The following AGAP3 variants were observed in gnomAD, a reference collection of about 807,000 sequenced individuals.
AGAP3 encodes ArfGAP with GTPase domain, ankyrin repeat and PH domain 3.
In AGAP3, 24 loss-of-function variants were observed where a neutral mutation model predicts 96.9. The observed-to-expected ratio is 0.25, with a 90% CI of 0.18 to 0.35. The LOEUF (loss-of-function observed/expected upper bound fraction) is 0.35, where lower values mean the gene tolerates loss of function less well. Ranked by LOEUF, AGAP3 falls within the 10% of genes least tolerant of loss-of-function variation. The probability of loss-of-function intolerance (pLI) is 1.00; values close to 1 mark genes in which losing one functional copy is unlikely to be tolerated. For missense variants in AGAP3, 876 were observed against 1,254.2 expected, an observed-to-expected ratio of 0.70 and a Z score of 4.55; for synonymous variants, 563 against 536.1, an observed-to-expected ratio of 1.05 and a Z score of -0.69.
At chr7:151,124,578 G>T (rs1292351232) in intron 9 of AGAP3, among the ~76,000 whole-genome samples, 4 of 152,178 alleles carry the variant, frequency 2.6e-5, no homozygotes, top group Non-Finnish European at 5.9e-5. Context: ...GAATTTTTTG[G>T]GATCTGGTGG....
In AGAP3 at chr7:151,096,852, CACTGCA is replaced by C. The variant is rs1333353754; in HGVS notation, c.331+9783_331+9788del. On this transcript the variant is annotated intron_variant, in intron 1 of 17. Transcript: ENST00000397238. The surrounding 1 kb of genome is among the most constrained non-coding windows in gnomAD (Gnocchi z 4.4). ...GGAGTGTAGTGGTATGATCTCAGCTCACTGCAACCTCTGCCTCCCGAGTTCAAGCAA... is the reference window on the plus strand; with the variant it reads ...GGAGTGTAGTGGTATGATCTCAGCTCACCTCTGCCTCCCGAGTTCAAGCAA... Among the ~76,000 whole-genome samples the C allele has an allele frequency of 1.3e-5, 2 of 151,890 alleles. No homozygotes were observed. The highest frequency in any genetic ancestry group is 2.4e-5 in the African/African-American group (1 of 41,336).
chr7:151,137,178 C>T lies in AGAP3; in HGVS notation c.1496-965C>T, dbSNP rs563849823. 7.2e-5 allele frequency among the ~76,000 whole-genome samples: 11 copies of T among 152,360 alleles called. No homozygotes were observed. The East Asian group carries it at 1.7e-3, about 24-fold the overall frequency. ...CCCGCAGGCTTCCCCTCAGTCCCGC[C>T]GCCTGCAGGGCTGGTGTGAGACCTG... On this transcript the variant is annotated intron_variant, in intron 11 of 17. Coordinates refer to ENST00000397238, the MANE Select transcript of AGAP3 (RefSeq NM_031946.7).
chr7:151,138,837 G>C (rs573095137), intron 12 of AGAP3, among the ~76,000 whole-genome samples: 2 of 152,272 alleles, frequency 1.3e-5, no homozygotes, highest in South Asian at 4.1e-4. Flanking sequence ...CTGTGGAGTT[G>C]TCCTGAAAGG....
chr7:151,127,491 C>A (rs1273578411), intron 9 of AGAP3, among the ~76,000 whole-genome samples: 1 of 152,172 alleles, frequency 6.6e-6, no homozygotes, highest in African/African-American at 2.4e-5. Context: ...CCCTCTTCCC[C>A]CTATGCTATT....
chr7:151,123,116 T>TG (rs1639304195), intron 8 of AGAP3: 8 of 1,119,038 alleles, frequency 7.1e-6, no homozygotes, highest in Non-Finnish European at 7.6e-6. Context: ...CGGCTGCTCC[T>TG]GGGGGGCGCT....
Position 151,117,420 on chromosome 7 carries a change from G to T in AGAP3, c.528G>T (p.Leu176=). 1 of 1,614,238 alleles carries T rather than the reference G, an allele frequency of 6.2e-7. No individual in the cohort carries two copies. Among genetic ancestry groups the T allele is most frequent in the Non-Finnish European group, 8.5e-7 (1 of 1,180,032 alleles). ...TGGTGGATGGCCAGAGTTACCTGCT[G>T]CTGATCCGAGATGAAGGAGGCCCCC... ...EIVVDGQSYL[L]LIRDEGGPPE... is the part of the protein sequence containing the mutation. The change falls in exon 4 of 18, where the codon CTG becomes CTT. Residue 176 remains leucine (L), a synonymous_variant. Coordinates refer to ENST00000397238, the MANE Select transcript of AGAP3 (RefSeq NM_031946.7).
chr7:151,126,485 G>A (rs1800183407), intron 9 of AGAP3, among the ~76,000 whole-genome samples: 1 of 151,610 alleles, frequency 6.6e-6, no homozygotes, highest in Non-Finnish European at 1.5e-5. Context: ...CTAGTGGGGT[G>A]AGGGGAGTCG....
At chr7:151,085,990 C>G (rs1798128933), upstream of AGAP3, 1 of 152,426 alleles carries the variant, frequency 6.6e-6, no homozygotes, top group Non-Finnish European at 1.5e-5. Context: ...GAGCCTATGC[C>G]GCACTGAAGG....
At chr7:151,120,607 G>A (rs772813994) in intron 8 of AGAP3, 1,079 of 1,294,554 alleles carry the variant, frequency 8.3e-4, no homozygotes, top group Non-Finnish European at 1.0e-3. Flanking sequence ...AGGCCTCCCC[G>A]TCGCCTTCCG....
intron 1 of AGAP3, among the ~76,000 whole-genome samples, chr7:151,095,057 C>G (rs1391491943): frequency 6.6e-6 from 1 of 150,548 alleles, no homozygotes; most frequent in Non-Finnish European, 1.5e-5. Flanking sequence ...TTAAAATTGT[C>G]TTGTAGAGTC....
chr7:151,116,669 G>C, intron 1 of AGAP3, 124 bp from the exon 2 acceptor site: 1 of 1,062,512 alleles, frequency 9.4e-7, no homozygotes. Flanking sequence ...TGGGGGTCCC[G>C]TGGAGGAAGC....
At chr7:151,087,177 C>G in intron 1 of AGAP3, 105 bp downstream of exon 1, 1 of 1,271,270 alleles carries the variant, frequency 7.9e-7, no homozygotes. Context: ...GTCGGGGGTC[C>G]TTGCGCGCTT....
Position 151,142,268 on chromosome 7 carries a change from G to C in AGAP3, c.2050+15G>C. 1 of 1,611,410 alleles carries C rather than the reference G, an allele frequency of 6.2e-7. No homozygotes were observed. Among genetic ancestry groups the C allele is most frequent in the Non-Finnish European group, 8.5e-7 (1 of 1,179,148 alleles). Reference sequence around the variant, plus strand: ...CGATGCACCCAGTGAGTGCAAGGCTGGTGGGGCTGGGAGCTGGGGATGGCC... The same window carrying C: ...CGATGCACCCAGTGAGTGCAAGGCTCGTGGGGCTGGGAGCTGGGGATGGCC... On this transcript the variant is annotated intron_variant, in intron 15 of 17. Transcript: ENST00000397238. The surrounding 1 kb of genome is among the most constrained non-coding windows in gnomAD (Gnocchi z 7.5).
chr7:151,117,504 T>C, intron 4 of AGAP3, 48 bp downstream of exon 4: 1 of 1,613,584 alleles, frequency 6.2e-7, no homozygotes, highest in African/African-American at 1.3e-5. Flanking sequence ...CCTGGAGCCC[T>C]TTCTCGAGCT....
intron 8 of AGAP3, chr7:151,120,825 C>T (rs1799846683): frequency 6.0e-6 from 7 of 1,163,174 alleles, no homozygotes; most frequent in African/African-American, 4.8e-5. Context: ...TTGTGCTGGC[C>T]CGGCTGAGGG....
chr7:151,109,840 G>A (rs528964179), intron 1 of AGAP3, among the ~76,000 whole-genome samples: 1 of 152,186 alleles, frequency 6.6e-6, no homozygotes, highest in South Asian at 2.1e-4. Context: ...AGTGATCCCA[G>A]CGTCCACTCT....
At chr7:151,105,528 G>A (rs1384166342) in intron 1 of AGAP3, among the ~76,000 whole-genome samples, 5 of 150,670 alleles carry the variant, frequency 3.3e-5, no homozygotes, top group Non-Finnish European at 5.9e-5. Flanking sequence ...GGCTGAGGTG[G>A]AAGGATCACT....
In AGAP3 at chr7:151,138,171, C is replaced by G; in HGVS notation, c.1524C>G (p.Ser508=). 1 of 1,607,926 alleles carries G rather than the reference C, an allele frequency of 6.2e-7. No individual in the cohort carries two copies. The highest frequency in any genetic ancestry group is 8.5e-7 in the Non-Finnish European group (1 of 1,177,842). ...CCCCCCACTCGGCCAGCAGCGCATC[C>G]CTGCACTCTGAGCGCCCCCTCAGCA... ...TGAPHSASSA[S]LHSERPLSSS... Residue 508 remains serine, a synonymous_variant, in exon 12 of 18, where the codon TCC becomes TCG. Transcript: ENST00000397238.
intron 1 of AGAP3, among the ~76,000 whole-genome samples, chr7:151,089,107 T>G (rs1798277428): frequency 6.6e-6 from 1 of 152,182 alleles, no homozygotes; most frequent in South Asian, 2.1e-4. Flanking sequence ...CACCGTCATC[T>G]TTATCCACCT....
Sources: allele counts gnomAD v4.1 joint callset (sites outside exome capture counted in the v4.1 genomes callset), GRCh38; gene constraint gnomAD v4.1.1; non-coding constraint Gnocchi (gnomAD v3.1); transcripts MANE v1.5; gene names NCBI Gene and HGNC (gene_info 2026-07-23, HGNC 2026-07-21).